Variants in TTC39B observed in about 807,000 individuals in gnomAD.
TTC39B encodes tetratricopeptide repeat protein 39B.
In TTC39B, 92 loss-of-function variants were observed where a neutral mutation model predicts 96.6. The ratio of observed to expected loss-of-function variants is 0.95; its 90% CI spans 0.80 to 1.13. TTC39B has a LOEUF of 1.13. TTC39B is among the 50% of genes most tolerant of loss of function. The pLI is 0.00. For missense variants in TTC39B, 955 were observed against 809.3 expected, an observed-to-expected ratio of 1.18 and a Z score of -2.18; for synonymous variants, 367 against 299.4, an observed-to-expected ratio of 1.23 and a Z score of -2.33.
exon 20 of TTC39B, chr9:15,167,028 A>ATATATATATTT (rs1554758710): frequency 9.1e-5 from 1 of 11,022 alleles, no homozygotes; most frequent in Non-Finnish European, 1.6e-4. Context: ...ATATATATAT[A>ATATATATATTT]TTTTTTTTTT....
intron 2 of TTC39B, among the ~76,000 whole-genome samples, chr9:15,257,528 A>G (rs1822794779): frequency 6.6e-6 from 1 of 152,052 alleles, no homozygotes; most frequent in African/African-American, 2.4e-5. Context: ...AGCTCAACAC[A>G]GCCTCGACTT....
chr9:15,261,336 C>T (rs770580267), intron 2 of TTC39B, among the ~76,000 whole-genome samples: 3 of 151,892 alleles, frequency 2.0e-5, no homozygotes, highest in South Asian at 2.1e-4. Flanking sequence ...ATTAGCCAGG[C>T]GTGATGGCAC....
intron 14 of TTC39B, among the ~76,000 whole-genome samples, chr9:15,187,416 T>A (rs933701593): frequency 1.3e-5 from 2 of 152,210 alleles, no homozygotes; most frequent in Non-Finnish European, 1.5e-5. Context: ...TTCATAACTT[T>A]ATAAGTACAA....
chr9:15,268,289 C>G (rs562078154), intron 1 of TTC39B, among the ~76,000 whole-genome samples: 6 of 152,202 alleles, frequency 3.9e-5, no homozygotes, highest in Non-Finnish European at 2.9e-5. Flanking sequence ...AATAAGAGGA[C>G]TTGCCCGATG....
chr9:15,190,681 T>C lies in TTC39B; in HGVS notation c.997-19A>G. 1 of 1,576,216 alleles carries C rather than the reference T, an allele frequency of 6.3e-7. No homozygotes were observed. Among genetic ancestry groups the C allele is most frequent in the South Asian group, 1.1e-5 (1 of 90,358 alleles). On this transcript the variant is annotated intron_variant, in intron 10 of 19. Transcript: ENST00000512701. ...CCAACTCCTATGGGAATTAAATGCA[T>C]TTTTAGAAAGAGAACAAGACTGGAA...
chr9:15,214,333 T>C (rs1238797038), intron 3 of TTC39B, 84 bp from the exon 4 acceptor site: 2 of 842,696 alleles, frequency 2.4e-6, no homozygotes, highest in East Asian at 5.3e-5. Flanking sequence ...TGTGTGTGTG[T>C]GTGTGTGTGT....
At position 15,306,986 on chromosome 9, in the gene TTC39B, G is replaced by T; in HGVS notation, c.240+98C>A. ...GCCCACCCCAGAGAGGGGACCAAGGGGGCGGGGCCTCGGCCGTCCTAGCCG... is the reference window on the plus strand; with the variant it reads ...GCCCACCCCAGAGAGGGGACCAAGGTGGCGGGGCCTCGGCCGTCCTAGCCG... On this transcript the variant is annotated intron_variant, in intron 1 of 19. Transcript: ENST00000512701. The surrounding 1 kb of genome is among the most constrained non-coding windows in gnomAD (Gnocchi z 5.1). 6.6e-7 allele frequency: 1 copy of T among 1,524,800 alleles called. No homozygotes were observed. Among genetic ancestry groups the T allele is most frequent in the South Asian group, 1.2e-5 (1 of 82,438 alleles). The allele number at this position is 1,524,800 out of a possible 1,614,324, so 94.5% of individuals were successfully genotyped here.
intron 1 of TTC39B, among the ~76,000 whole-genome samples, chr9:15,295,473 G>C (rs1450123534): frequency 6.6e-6 from 1 of 152,196 alleles, no homozygotes; most frequent in Non-Finnish European, 1.5e-5. Context: ...GCCTAAGCCA[G>C]CTGAGTGACC....
chr9:15,195,181 C>T (rs1011876132), intron 8 of TTC39B, among the ~76,000 whole-genome samples: 1 of 152,156 alleles, frequency 6.6e-6, no homozygotes. Context: ...AGCCCTGTTG[C>T]TGATATGGAG....
chr9:15,290,721 C>T (rs1468384057), intron 1 of TTC39B, among the ~76,000 whole-genome samples: 1 of 152,206 alleles, frequency 6.6e-6, no homozygotes, highest in Non-Finnish European at 1.5e-5. Context: ...TAATCAAAGC[C>T]TCACAAGAAT....
intron 2 of TTC39B, among the ~76,000 whole-genome samples, chr9:15,235,003 G>A (rs1357848507): frequency 1.8e-5 from 2 of 108,910 alleles, no homozygotes; most frequent in African/African-American, 7.0e-5. Context: ...CCCCCTCTGT[G>A]AGAAACACCC....
intron 19 of TTC39B, among the ~76,000 whole-genome samples, chr9:15,172,629 G>T (rs4741472): frequency 0.69 from 104,130 of 151,996 alleles, 36,216 homozygotes; most frequent in East Asian, 0.86. Context: ...AATTACATAA[G>T]AATTAGGCCA....
At chr9:15,172,991 T>C (rs1817741199) in intron 19 of TTC39B, among the ~76,000 whole-genome samples, 2 of 152,186 alleles carry the variant, frequency 1.3e-5, no homozygotes, top group Admixed American at 1.3e-4. Context: ...TCCTAATGCA[T>C]AAAGGGAAAG....
At chr9:15,267,765 ATCC>A (rs1441883423) in intron 2 of TTC39B, 146 bp downstream of exon 2, 5 of 615,300 alleles carry the variant, frequency 8.1e-6, no homozygotes, top group Non-Finnish European at 1.4e-5. Context: ...ATATAATCAC[ATCC>A]TCTTTAATTA....
intron 1 of TTC39B, among the ~76,000 whole-genome samples, chr9:15,276,656 A>G (rs1823554499): frequency 6.6e-6 from 1 of 152,228 alleles, no homozygotes; most frequent in African/African-American, 2.4e-5. Context: ...TTTTAATTAC[A>G]CAGCCTGTGT....
At chr9:15,219,212 T>A (rs934930956) in intron 3 of TTC39B, among the ~76,000 whole-genome samples, 1 of 152,188 alleles carries the variant, frequency 6.6e-6, no homozygotes, top group Non-Finnish European at 1.5e-5. Context: ...GATCATTAAG[T>A]CTGCAGTTAC....
At chr9:15,299,505 G>A (rs1291224647) in intron 1 of TTC39B, among the ~76,000 whole-genome samples, 1 of 152,120 alleles carries the variant, frequency 6.6e-6, no homozygotes, top group Non-Finnish European at 1.5e-5. Context: ...TGCATCAGGA[G>A]GCAGCACAGA....
intron 4 of TTC39B, 118 bp downstream of exon 4, chr9:15,214,021 C>A: frequency 2.8e-6 from 2 of 702,034 alleles, no homozygotes; most frequent in South Asian, 2.1e-5. Flanking sequence ...GAGGTCTGAA[C>A]TAAATTAGCT....
At chr9:15,205,760 G>A (rs974057725) in intron 6 of TTC39B, among the ~76,000 whole-genome samples, 1 of 152,086 alleles carries the variant, frequency 6.6e-6, no homozygotes. Flanking sequence ...GTCTGCTCAG[G>A]AATACAGATT....
Sources: gnomAD v4.1 joint callset for allele counts (sites outside exome capture counted in the v4.1 genomes callset) on GRCh38, gnomAD v4.1.1 for gene constraint, Gnocchi (gnomAD v3.1) non-coding constraint, MANE v1.5 for transcripts, NCBI Gene and HGNC (gene_info 2026-07-23, HGNC 2026-07-21) for gene names.